The following RABGAP1L variants were observed in gnomAD, a reference collection of about 807,000 sequenced individuals.
RABGAP1L encodes RAB GTPase activating protein 1 like.
Under a neutral mutation model 137.7 loss-of-function variants are expected in RABGAP1L, and 63 were observed. The observed-to-expected ratio is 0.46, with a 90% CI of 0.37 to 0.56. RABGAP1L has a LOEUF of 0.56. RABGAP1L is among the 20% of genes least tolerant of loss of function. RABGAP1L has a pLI of 0.00. For synonymous variants in RABGAP1L, 431 were observed against 433.7 expected, an observed-to-expected ratio of 0.99 and a Z score of 0.08; for missense variants, 1,095 against 1,244.0, an observed-to-expected ratio of 0.88 and a Z score of 1.80.
At chr1:174,655,308 C>T (rs12145422) in intron 14 of RABGAP1L, among the ~76,000 whole-genome samples, 407 of 152,188 alleles carry the variant, frequency 2.7e-3, no homozygotes, top group Non-Finnish European at 3.1e-3. Context: ...TCTGTAATTC[C>T]CTTCAACCTG....
intron 19 of RABGAP1L, among the ~76,000 whole-genome samples, chr1:174,828,731 C>G (rs1245588248): frequency 6.7e-6 from 1 of 148,230 alleles, no homozygotes; most frequent in Non-Finnish European, 1.5e-5. Flanking sequence ...CTCCTATTTA[C>G]CCTTTAGGTT....
chr1:174,587,743 G>A (rs981786196), intron 13 of RABGAP1L, among the ~76,000 whole-genome samples: 6 of 152,168 alleles, frequency 3.9e-5, no homozygotes, highest in African/African-American at 1.2e-4. Flanking sequence ...GGGTACTTGA[G>A]ATATTTTGAT....
Position 174,964,959 on chromosome 1 carries a change from A to C in RABGAP1L, c.2434-4318A>C, listed in dbSNP as rs75322564. 6.6e-4 allele frequency: 999 copies of C among 1,505,474 alleles called. 9 individuals are homozygous for C. In the African/African-American group the frequency reaches 0.013, roughly 20 times the overall value. The allele number at this position is 1,505,474 out of a possible 1,614,324, so 93.3% of individuals were successfully genotyped here. On this transcript the variant is annotated intron_variant, in intron 20 of 25. Transcript: ENST00000681986. ...TGTCTTTGTACCTATGATTGAAAAC[A>C]GTAGTTGGTCTATGACTTTTGAGGA...
At chr1:174,806,653 GA>G (rs1689328778) in intron 18 of RABGAP1L, among the ~76,000 whole-genome samples, 1 of 152,222 alleles carries the variant, frequency 6.6e-6, no homozygotes, top group South Asian at 2.1e-4. Flanking sequence ...CTAGGATGGT[GA>G]GATAGTAGCA....
At chr1:174,349,574 G>A (rs1273302716) in intron 11 of RABGAP1L, among the ~76,000 whole-genome samples, 7 of 139,000 alleles carry the variant, frequency 5.0e-5, no homozygotes, top group African/African-American at 1.3e-4. Flanking sequence ...GCCACTGGCC[G>A]GGCAGGGGGG....
chr1:174,301,773 A>G (rs775150018), intron 10 of RABGAP1L, among the ~76,000 whole-genome samples: 47 of 152,122 alleles, frequency 3.1e-4, no homozygotes, highest in Non-Finnish European at 5.9e-4. Context: ...ATGCAAAAAG[A>G]TTAAAACAAA....
intron 11 of RABGAP1L, among the ~76,000 whole-genome samples, chr1:174,348,291 TC>T (rs1398717397): frequency 1.4e-5 from 2 of 145,878 alleles, no homozygotes; most frequent in Non-Finnish European, 3.0e-5. Flanking sequence ...GCAAAAGTAA[TC>T]GCAGTTTTTG....
intron 1 of RABGAP1L, among the ~76,000 whole-genome samples, chr1:174,208,265 T>G (rs1015875329): frequency 5.4e-5 from 8 of 149,292 alleles, no homozygotes; most frequent in Non-Finnish European, 1.0e-4. Flanking sequence ...GTTCTGAGGG[T>G]TTTTTTTTTC....
At chr1:174,919,508 G>A (rs1158930055) in intron 19 of RABGAP1L, among the ~76,000 whole-genome samples, 1 of 152,134 alleles carries the variant, frequency 6.6e-6, no homozygotes, top group Non-Finnish European at 1.5e-5. Flanking sequence ...CCAAGGGAAA[G>A]TTTTTGTCTT....
At chr1:174,473,443 T>C (rs1658162313) in intron 13 of RABGAP1L, among the ~76,000 whole-genome samples, 2 of 152,122 alleles carry the variant, frequency 1.3e-5, no homozygotes, top group African/African-American at 4.8e-5. Context: ...TGAGTCTCAG[T>C]TGGAAGTGGG....
chr1:174,865,718 T>TA, intron 19 of RABGAP1L, among the ~76,000 whole-genome samples: 1 of 152,298 alleles, frequency 6.6e-6, no homozygotes, highest in Admixed American at 6.5e-5. Flanking sequence ...GAAGATTGCT[T>TA]AGCCCAGGAA....
intron 19 of RABGAP1L, among the ~76,000 whole-genome samples, chr1:174,917,923 ACT>A (rs1419798559): frequency 7.1e-6 from 1 of 139,892 alleles, no homozygotes; most frequent in African/African-American, 2.7e-5. Flanking sequence ...ACAGAGTGAG[ACT>A]CTGTCTTAAA....
intron 1 of RABGAP1L, among the ~76,000 whole-genome samples, chr1:174,184,574 G>T (rs931889127): frequency 6.6e-6 from 1 of 151,722 alleles, no homozygotes; most frequent in Non-Finnish European, 1.5e-5. Context: ...AAATCTGTCA[G>T]CATTTTTAAA....
chr1:174,647,452 C>T (rs1446487071), intron 14 of RABGAP1L, among the ~76,000 whole-genome samples: 3 of 152,060 alleles, frequency 2.0e-5, no homozygotes, highest in Non-Finnish European at 4.4e-5. Context: ...CTTTCCGCAT[C>T]TATTGAGATA....
rs190135310 is a variant in RABGAP1L at position 174,831,276 on chromosome 1, C to T, written c.2340+19316C>T. Among the ~76,000 whole-genome samples, 224 of 148,016 alleles carry T rather than the reference C, an allele frequency of 1.5e-3. 28 individuals are homozygous for T. The highest frequency in any genetic ancestry group is 2.0e-3 in the Non-Finnish European group (136 of 66,568). ...GCAATTAAAGACTAAGAGAGTACTC[C>T]GAGTCTCCCAAAGTACCTACATTCT... On this transcript the variant is annotated intron_variant, in intron 19 of 25. Transcript: ENST00000681986.
chr1:174,944,000 A>T (rs1573942146), intron 19 of RABGAP1L, among the ~76,000 whole-genome samples: 1 of 151,706 alleles, frequency 6.6e-6, no homozygotes, highest in African/African-American at 2.4e-5. Flanking sequence ...GCCAGATGCA[A>T]TGGCTCACGC....
At chr1:174,601,061 G>T (rs562075625) in intron 13 of RABGAP1L, among the ~76,000 whole-genome samples, 1 of 152,178 alleles carries the variant, frequency 6.6e-6, no homozygotes, top group Non-Finnish European at 1.5e-5. Context: ...TGGTGCACCC[G>T]CAGGCTCAAC....
chr1:174,433,402 G>A (rs150122840), intron 13 of RABGAP1L, among the ~76,000 whole-genome samples: 2 of 152,280 alleles, frequency 1.3e-5, no homozygotes, highest in Admixed American at 1.3e-4. Flanking sequence ...CATATTTTGT[G>A]TTTGAGACTT....
chr1:174,310,402 C>A (rs2148792583), intron 11 of RABGAP1L, among the ~76,000 whole-genome samples: 1 of 152,198 alleles, frequency 6.6e-6, no homozygotes, highest in African/African-American at 2.4e-5. Flanking sequence ...GTTTCATACA[C>A]AGTTGAGGAG....
Sources: gnomAD v4.1 joint callset for allele counts (sites outside exome capture counted in the v4.1 genomes callset) on GRCh38, gnomAD v4.1.1 for gene constraint, MANE v1.5 for transcripts, NCBI Gene and HGNC (gene_info 2026-07-23, HGNC 2026-07-21) for gene names.